Variants in CR1 observed in about 807,000 individuals in gnomAD.
The protein encoded by CR1 is complement receptor type 1.
In CR1, 116 loss-of-function variants were observed where a neutral mutation model predicts 187.3. The ratio of observed to expected loss-of-function variants is 0.62; its 90% CI spans 0.53 to 0.72. The LOEUF is 0.72. CR1 is among the 30% of genes least tolerant of loss of function. The probability of loss-of-function intolerance (pLI) is 0.00; values close to 1 mark genes in which losing one functional copy is unlikely to be tolerated. For missense variants in CR1, 1,731 were observed against 2,110.7 expected (o/e 0.82, Z 3.52); for synonymous variants, 576 against 747.1 (o/e 0.77, Z 3.73).
chr1:207,594,799 G>A (rs541135815), intron 35 of CR1, among the ~76,000 whole-genome samples: 1 of 152,134 alleles, frequency 6.6e-6, no homozygotes, highest in East Asian at 1.9e-4. Context: ...ACAACCTCTT[G>A]CCCAACCTTT....
rs1409764234 is a variant in CR1, at chr1:207,577,918, G to A, written c.4651G>A (p.Gly1551Arg). The A allele has an allele frequency of 6.2e-7, 1 of 1,612,742 alleles. No homozygotes were observed. ...CTACCGCTGCAATCTTGGAAGCAGA[G>A]GGAGAAAGGTGTTTGAGCTTGTGGG... ...VTYRCNLGSR[G>R]RKVFELVGEP... The change falls in exon 29 of 47, where the codon GGG (glycine) becomes AGG (arginine). Residue 1551 changes from glycine to arginine, a missense_variant. Physicochemically the swap from Gly to Arg is moderately radical, Grantham distance 125. Around this residue, in one of 5 missense-constraint regions of CR1, gnomAD observed 1,312 missense variants for 1,379.6 expected, o/e 0.95. Coordinates refer to ENST00000367049, the MANE Select transcript of CR1 (RefSeq NM_000651.6).
chr1:207,623,042 T>C lies in CR1; in HGVS notation c.7326T>C (p.Ser2442=), dbSNP rs1418717928. The change falls in exon 45 of 47, where the codon TCT becomes TCC. Residue 2442 remains serine, a synonymous_variant. Coordinates refer to ENST00000367049, the MANE Select transcript of CR1 (RefSeq NM_000651.6). ...TTATTTTACTCATCATTTTCCTCTC[T>C]TGGATAATTCTAAAGCACAGAAAAG... ...IFFILLIIFL[S]WIILKHRKGN... 6.3e-7 allele frequency: 1 copy of C among 1,581,196 alleles called. No homozygotes were observed. Among genetic ancestry groups the C allele is most frequent in the Non-Finnish European group, 8.6e-7 (1 of 1,160,668 alleles).
At chr1:207,585,083 G>A (rs1661073647) in intron 33 of CR1, among the ~76,000 whole-genome samples, 1 of 152,184 alleles carries the variant, frequency 6.6e-6, no homozygotes, top group African/African-American at 2.4e-5. Context: ...TCTTCTTGCT[G>A]GTGGAGTGGA....
chr1:207,512,127 AC>A (rs1185518132), intron 4 of CR1, among the ~76,000 whole-genome samples: 8 of 152,230 alleles, frequency 5.3e-5, no homozygotes, highest in Admixed American at 5.2e-4. Flanking sequence ...TAAAATTTAT[AC>A]TTAGGAAATA....
chr1:207,523,885 C>G lies in CR1; in HGVS notation c.762C>G (p.Ser254Arg). Residue 254 changes from serine to arginine, a missense_variant, in exon 5 of 47, where the codon AGC becomes AGG. Around this residue, in one of 5 missense-constraint regions of CR1, gnomAD observed 131 missense variants for 196.8 expected, o/e 0.67. Transcript: ENST00000367049. ...ENGILVSDNR[S>R]LFSLNEVVEF... is the part of the protein sequence containing the mutation. The stretch of plus-strand genomic sequence containing the variant: ...GAATATTGGTATCTGACAACAGAAG[C>G]TTATTTTCCTTAAATGAAGTTGTGG... 6.2e-7 allele frequency: 1 copy of G among 1,610,138 alleles called. No homozygotes were observed. Among genetic ancestry groups the G allele is most frequent in the South Asian group, 1.1e-5 (1 of 90,980 alleles).
intron 39 of CR1, 126 bp downstream of exon 39, chr1:207,612,167 A>G: frequency 1.9e-6 from 2 of 1,041,526 alleles, no homozygotes; most frequent in Non-Finnish European, 1.4e-6. Flanking sequence ...TAATTTATGG[A>G]AGGGTAGTTT....
chr1:207,511,697 C>A, intron 4 of CR1, 43 bp downstream of exon 4: 1 of 1,563,930 alleles, frequency 6.4e-7, no homozygotes, highest in Non-Finnish European at 8.8e-7. Flanking sequence ...CCGACACATT[C>A]TAATTTTTCT....
intron 33 of CR1, 42 bp from the exon 34 acceptor site, chr1:207,587,344 T>A: frequency 6.4e-7 from 1 of 1,551,514 alleles, no homozygotes; most frequent in Non-Finnish European, 8.8e-7. Context: ...AGGGTGGAAG[T>A]CTCTCTGCTA....
At chr1:207,623,620 A>T (rs1216533264) in intron 45 of CR1, among the ~76,000 whole-genome samples, 1 of 111,106 alleles carries the variant, frequency 9.0e-6, no homozygotes, top group East Asian at 3.0e-4. Flanking sequence ...ACACACACAC[A>T]CACACACACA....
chr1:207,507,565 C>G (rs1219848842), intron 3 of CR1: 2 of 152,170 alleles, frequency 1.3e-5, no homozygotes, highest in African/African-American at 2.4e-5. Flanking sequence ...AACTGGATTG[C>G]CTCTCCAAAG....
intron 31 of CR1, among the ~76,000 whole-genome samples, chr1:207,581,291 C>T (rs574683597): frequency 2.0e-5 from 3 of 150,844 alleles, no homozygotes; most frequent in Non-Finnish European, 4.4e-5. Context: ...TATATGTATA[C>T]GTATACATAT....
chr1:207,624,815 G>A (rs1662431305), intron 45 of CR1, among the ~76,000 whole-genome samples: 1 of 152,086 alleles, frequency 6.6e-6, no homozygotes, highest in African/African-American at 2.4e-5. Flanking sequence ...TAATTAGTGA[G>A]TTAATTTTTT....
chr1:207,567,741 A>C, intron 24 of CR1, 83 bp from the exon 25 acceptor site: 2 of 1,543,986 alleles, frequency 1.3e-6, no homozygotes, highest in Non-Finnish European at 1.8e-6. Flanking sequence ...ATTTTCAGCA[A>C]CACCAATCAT....
intron 45 of CR1, 56 bp from the exon 46 acceptor site, chr1:207,630,461 A>G: frequency 8.5e-7 from 1 of 1,176,632 alleles, no homozygotes; most frequent in South Asian, 1.6e-5. Flanking sequence ...AATTTCTTTC[A>G]AAACAGATAC....
chr1:207,615,399 A>C (rs1662062935), intron 40 of CR1, among the ~76,000 whole-genome samples: 1 of 152,204 alleles, frequency 6.6e-6, no homozygotes, highest in Non-Finnish European at 1.5e-5. Context: ...AATAAAACAG[A>C]GTTATATGAT....
In CR1 at chr1:207,577,778, T is replaced by TTGGTTAAC. The variant is rs753426107; in HGVS notation, c.4538-25_4538-18dup. ...CAAGACTCTGTCCCAAGGTTTTGTT[T>TTGGTTAAC]TGGTTAACTTGCTGTCTCTTTTCCA... On this transcript the variant is annotated intron_variant, in intron 28 of 46. Coordinates refer to ENST00000367049, the MANE Select transcript of CR1 (RefSeq NM_000651.6). 12 of 1,612,776 alleles carry TTGGTTAAC rather than the reference T, an allele frequency of 7.4e-6. No individual in the cohort carries two copies. In the East Asian group the frequency reaches 2.5e-4, roughly 33 times the overall value.
rs752855704 is a variant in CR1 at position 207,611,928 on chromosome 1, T to G, written c.6473-11T>G. 14 of 1,613,882 alleles carry G rather than the reference T, an allele frequency of 8.7e-6. No individual in the cohort carries two copies. The highest frequency in any genetic ancestry group is 1.3e-5 in the African/African-American group (1 of 74,924). On this transcript the variant is annotated splice_polypyrimidine_tract_variant and intron_variant, in intron 38 of 46. Coordinates refer to ENST00000367049, the MANE Select transcript of CR1 (RefSeq NM_000651.6). ...GAGGACTTACTCCTGTTGTTTTATT[T>G]TTTCTTCTAGTGAAATCCTGTGATG...
chr1:207,597,167 G>A (rs1661472583), intron 35 of CR1, among the ~76,000 whole-genome samples: 1 of 150,164 alleles, frequency 6.7e-6, no homozygotes, highest in Non-Finnish European at 1.5e-5. Flanking sequence ...AGCAGAGCAA[G>A]AATGGAGTTT....
intron 35 of CR1, among the ~76,000 whole-genome samples, chr1:207,599,601 A>T (rs72737299): frequency 0.096 from 14,624 of 152,272 alleles, 873 homozygotes; most frequent in Admixed American, 0.15. Context: ...AGGTTGAATA[A>T]ATCATAAGAC....
Sources: allele counts gnomAD v4.1 joint callset (sites outside exome capture counted in the v4.1 genomes callset), GRCh38; gene constraint gnomAD v4.1.1; regional missense constraint gnomAD v4.1.1; transcripts MANE v1.5; gene names NCBI Gene and HGNC (gene_info 2026-07-23, HGNC 2026-07-21).